The following PMS1 variants were observed in gnomAD, a reference collection of about 807,000 sequenced individuals.
PMS1 encodes PMS1 homolog 1, mismatch repair system component.
Under a neutral mutation model 93.1 loss-of-function variants are expected in PMS1, and 79 were observed. The ratio of observed to expected loss-of-function variants is 0.85; its 90% CI spans 0.71 to 1.02. The LOEUF (loss-of-function observed/expected upper bound fraction) is 1.02, where lower values mean the gene tolerates loss of function less well. Among genes scored for constraint, PMS1 ranks in the 50% least tolerant of loss-of-function variants. PMS1 has a pLI of 0.00. For synonymous variants in PMS1, 335 were observed against 363.4 expected, an observed-to-expected ratio of 0.92 and a Z score of 0.89; for missense variants, 1,064 against 1,085.3, an observed-to-expected ratio of 0.98 and a Z score of 0.28.
At chr2:189,791,488 T>C (rs1433781357) in intron 1 of PMS1, among the ~76,000 whole-genome samples, 1 of 151,702 alleles carries the variant, frequency 6.6e-6, no homozygotes, top group Non-Finnish European at 1.5e-5. Context: ...GGTGTCCTGG[T>C]GGGCACCTGT....
intron 3 of PMS1, among the ~76,000 whole-genome samples, chr2:189,797,863 C>G (rs993754792): frequency 1.3e-5 from 2 of 152,152 alleles, no homozygotes; most frequent in Admixed American, 1.3e-4. Context: ...TAGGTTTTCT[C>G]CATTTTTTGT....
chr2:189,838,377 A>G (rs1356852899), intron 5 of PMS1, among the ~76,000 whole-genome samples: 1 of 152,108 alleles, frequency 6.6e-6, no homozygotes, highest in East Asian at 1.9e-4. Context: ...CTTTAACGAA[A>G]GTATTTAGTA....
chr2:189,820,202 G>GA (rs2051701602), intron 5 of PMS1, among the ~76,000 whole-genome samples: 1 of 152,200 alleles, frequency 6.6e-6, no homozygotes, highest in African/African-American at 2.4e-5. Flanking sequence ...AATTCAGATA[G>GA]GTTTAATACT....
chr2:189,864,050 G>T lies in PMS1; in HGVS notation c.2164G>T (p.Asp722Tyr). Residue 722 changes from aspartate to tyrosine, a missense_variant, in exon 10 of 13, where the codon GAT (aspartate) becomes TAT (tyrosine). Transcript: ENST00000441310. ...AAACAAAGTTGACTTAGAAGAGAAG[G>T]ATGAACCTTGCTTGATCCACAATCT... is the stretch of plus-strand genomic sequence containing the variant. ...KQNKVDLEEK[D>Y]EPCLIHNLRF... 1 of 1,612,850 alleles carries T rather than the reference G, an allele frequency of 6.2e-7. No individual in the cohort carries two copies. Among genetic ancestry groups the T allele is most frequent in the African/African-American group, 1.3e-5 (1 of 74,964 alleles).
chr2:189,872,277 A>G (rs143603638), intron 11 of PMS1, among the ~76,000 whole-genome samples: 48 of 152,308 alleles, frequency 3.2e-4, no homozygotes, highest in African/African-American at 1.1e-3. Flanking sequence ...CCAGCATTGC[A>G]TCTGCCAACC....
chr2:189,806,045 A>C (rs1456112308), intron 4 of PMS1: 1 of 756,814 alleles, frequency 1.3e-6, no homozygotes, highest in Non-Finnish European at 2.0e-6. Flanking sequence ...TACCAGTGTC[A>C]TCTTCATATA....
chr2:189,869,956 C>G (rs1413927382), intron 11 of PMS1, among the ~76,000 whole-genome samples: 2 of 151,750 alleles, frequency 1.3e-5, no homozygotes, highest in African/African-American at 4.8e-5. Flanking sequence ...GCTTTCAGCT[C>G]TTAGCTTGTA....
intron 1 of PMS1, among the ~76,000 whole-genome samples, chr2:189,786,957 G>T (rs529303172): frequency 6.6e-6 from 1 of 152,290 alleles, no homozygotes; most frequent in East Asian, 1.9e-4. Context: ...GGAGGCTGAG[G>T]CAGGAGAATC....
Position 189,804,470 on chromosome 2 carries a change from A to G in PMS1, c.316-1182A>G, listed in dbSNP as rs140471508. 2.7e-3 allele frequency among the ~76,000 whole-genome samples: 405 copies of G among 152,300 alleles called. 4 individuals are homozygous for G. Among genetic ancestry groups the G allele is most frequent in the African/African-American group, 9.3e-3 (385 of 41,566 alleles). On this transcript the variant is annotated intron_variant, in intron 3 of 12. Coordinates refer to ENST00000441310, the MANE Select transcript of PMS1 (RefSeq NM_000534.5). ...TTCTGCTTTTTTGGGGGATAGTATC[A>G]CAGTAATAGCTTGACATAGCGCCCC...
At chr2:189,809,907 A>G (rs2106296022) in intron 4 of PMS1, among the ~76,000 whole-genome samples, 1 of 152,350 alleles carries the variant, frequency 6.6e-6, no homozygotes, top group East Asian at 1.9e-4. Context: ...CAATATACAG[A>G]TTAGGTATAA....
intron 4 of PMS1, among the ~76,000 whole-genome samples, chr2:189,810,557 T>C (rs898384561): frequency 6.6e-6 from 1 of 152,164 alleles, no homozygotes; most frequent in Admixed American, 6.6e-5. Flanking sequence ...GAATATGGGA[T>C]CCTCAAACAG....
At chr2:189,826,297 C>G (rs888944401) in intron 5 of PMS1, among the ~76,000 whole-genome samples, 1 of 152,002 alleles carries the variant, frequency 6.6e-6, no homozygotes, top group African/African-American at 2.4e-5. Context: ...GCTCAAATGC[C>G]CCTTCCTTAG....
At chr2:189,844,795 C>G (rs2054119472) in intron 6 of PMS1, among the ~76,000 whole-genome samples, 1 of 151,884 alleles carries the variant, frequency 6.6e-6, no homozygotes, top group Non-Finnish European at 1.5e-5. Context: ...CTTACTCCTT[C>G]CTCTTTCAGT....
chr2:189,788,426 A>G (rs764674109), intron 1 of PMS1, among the ~76,000 whole-genome samples: 4 of 152,312 alleles, frequency 2.6e-5, no homozygotes, highest in Admixed American at 6.5e-5. Context: ...ATCATATGAT[A>G]TCATTATTAG....
chr2:189,866,420 C>T (rs2056663167), intron 10 of PMS1, among the ~76,000 whole-genome samples: 1 of 152,092 alleles, frequency 6.6e-6, no homozygotes, highest in South Asian at 2.1e-4. Context: ...AGTTTTTCCT[C>T]CTTCTTTTGG....
At chr2:189,852,865 A>T (rs2054893940) in intron 7 of PMS1, 88 bp downstream of exon 7, 1 of 758,986 alleles carries the variant, frequency 1.3e-6, no homozygotes, top group South Asian at 1.6e-5. Context: ...GCTCTAAAAT[A>T]AAAAAAAAGA....
Position 189,831,732 on chromosome 2 carries a change from A to G in PMS1, c.583-12232A>G, listed in dbSNP as rs5743068. ...CCAGTAGAGAGTTGTTAGTCAATTC[A>G]GAGAGAAAAGCTAATCAGCTCTAGG... is the stretch of plus-strand genomic sequence containing the variant. On this transcript the variant is annotated intron_variant, in intron 5 of 12. Coordinates refer to ENST00000441310, the MANE Select transcript of PMS1 (RefSeq NM_000534.5). 7.4e-3 allele frequency among the ~76,000 whole-genome samples: 1,133 copies of G among 152,346 alleles called. 31 individuals are homozygous for G. The highest frequency in any genetic ancestry group is 0.055 in the Admixed American group (841 of 15,298).
At chr2:189,844,142 C>T (rs1391814223) in intron 6 of PMS1, 62 bp downstream of exon 6, 4 of 1,606,634 alleles carry the variant, frequency 2.5e-6, no homozygotes, top group Non-Finnish European at 1.7e-6. Context: ...CACATATTTC[C>T]CTTTGGGGGA....
At chr2:189,873,776 G>A in intron 12 of PMS1, 120 bp downstream of exon 12, 1 of 677,096 alleles carries the variant, frequency 1.5e-6, no homozygotes, top group Non-Finnish European at 2.7e-6. Flanking sequence ...ATCACCACCT[G>A]AGCTCTGCCT....
Sources: allele counts gnomAD v4.1 joint callset (sites outside exome capture counted in the v4.1 genomes callset), GRCh38; gene constraint gnomAD v4.1.1; transcripts MANE v1.5; gene names NCBI Gene and HGNC (gene_info 2026-07-23, HGNC 2026-07-21).